Variants in PKHD1 observed in about 807,000 individuals in gnomAD.
The protein encoded by PKHD1 is fibrocystin.
In PKHD1, 291 loss-of-function variants were observed where a neutral mutation model predicts 412.0. The ratio of observed to expected loss-of-function variants is 0.71; its 90% confidence interval spans 0.64 to 0.78. The LOEUF (loss-of-function observed/expected upper bound fraction) is 0.78, where lower values mean the gene tolerates loss of function less well. Among genes scored for constraint, PKHD1 ranks in the 30% least tolerant of loss-of-function variants. The pLI, the probability that PKHD1 is intolerant of heterozygous loss-of-function variation, is 0.00. For synonymous variants in PKHD1, 1,777 were observed against 1,821.5 expected (o/e 0.98, Z 0.62); for missense variants, 4,825 against 4,950.7 (o/e 0.97, Z 0.76).
chr6:51,838,579 C>T (rs1764155488), intron 50 of PKHD1, among the ~76,000 whole-genome samples: 1 of 152,158 alleles, frequency 6.6e-6, no homozygotes, highest in Non-Finnish European at 1.5e-5. Flanking sequence ...AGAACAGATA[C>T]AGAAAAGTTA....
intron 37 of PKHD1, among the ~76,000 whole-genome samples, chr6:51,920,303 C>G (rs138471678): frequency 6.6e-6 from 1 of 152,204 alleles, no homozygotes; most frequent in Non-Finnish European, 1.5e-5. Flanking sequence ...TACATCCCGT[C>G]AATACCTAGT....
intron 55 of PKHD1, among the ~76,000 whole-genome samples, chr6:51,771,059 C>A (rs1046885801): frequency 6.6e-6 from 1 of 152,028 alleles, no homozygotes; most frequent in Non-Finnish European, 1.5e-5. Context: ...AACATACTGG[C>A]CTGCTTACAG....
intron 60 of PKHD1, among the ~76,000 whole-genome samples, chr6:51,733,627 TA>T (rs1426809283): frequency 6.6e-6 from 1 of 151,896 alleles, no homozygotes; most frequent in Non-Finnish European, 1.5e-5. Flanking sequence ...AGTGAAGAAC[TA>T]AAAAAATGTC....
At chr6:51,803,509 T>C (rs1235382542) in intron 52 of PKHD1, among the ~76,000 whole-genome samples, 1 of 150,396 alleles carries the variant, frequency 6.6e-6, no homozygotes, top group Non-Finnish European at 1.5e-5. Context: ...TTAGAGTTAA[T>C]TCCTCTTTTT....
At chr6:51,899,000 G>A (rs528074385) in intron 43 of PKHD1, among the ~76,000 whole-genome samples, 1 of 152,304 alleles carries the variant, frequency 6.6e-6, no homozygotes, top group South Asian at 2.1e-4. Flanking sequence ...CCAATAACAG[G>A]ATCTGAAATT....
At chr6:51,846,055 G>A (rs1014915147) in intron 50 of PKHD1, among the ~76,000 whole-genome samples, 2 of 152,208 alleles carry the variant, frequency 1.3e-5, no homozygotes, top group Admixed American at 1.3e-4. Context: ...TTCGGCTGAA[G>A]TGGTAAAACA....
At chr6:51,972,453 G>T (rs1468075318) in intron 35 of PKHD1, among the ~76,000 whole-genome samples, 1 of 152,222 alleles carries the variant, frequency 6.6e-6, no homozygotes, top group Non-Finnish European at 1.5e-5. Context: ...ATTATCAATT[G>T]TACCTGAAGA....
At chr6:51,676,180 C>A in intron 60 of PKHD1, among the ~76,000 whole-genome samples, 1 of 142,608 alleles carries the variant, frequency 7.0e-6, no homozygotes, top group Non-Finnish European at 1.5e-5. Flanking sequence ...TTTTCCACCT[C>A]ATTTCACGTT....
intron 14 of PKHD1, 55 bp downstream of exon 14, chr6:52,062,464 A>G: frequency 1.9e-6 from 3 of 1,572,196 alleles, no homozygotes; most frequent in Non-Finnish European, 2.6e-6. Context: ...TCCTAGCCTC[A>G]CCTAGGTTAG....
chr6:51,831,929 A>C (rs1037049127), intron 51 of PKHD1, among the ~76,000 whole-genome samples: 3 of 152,120 alleles, frequency 2.0e-5, no homozygotes, highest in Non-Finnish European at 4.4e-5. Flanking sequence ...CTTTCCTGGG[A>C]TGTGATTACT....
intron 47 of PKHD1, among the ~76,000 whole-genome samples, chr6:51,868,768 C>T (rs1458855173): frequency 6.6e-6 from 1 of 152,118 alleles, no homozygotes; most frequent in African/African-American, 2.4e-5. Flanking sequence ...CAATTAATCA[C>T]TTGGGCAAAT....
chr6:51,850,845 G>A (rs1225393925), intron 49 of PKHD1, among the ~76,000 whole-genome samples: 1 of 152,142 alleles, frequency 6.6e-6, no homozygotes, highest in South Asian at 2.1e-4. Context: ...TCTGCAAAGA[G>A]AGACAACTTG....
chr6:51,722,107 C>T, intron 60 of PKHD1: 1 of 1,606,328 alleles, frequency 6.2e-7, no homozygotes, highest in Admixed American at 1.7e-5. Flanking sequence ...GCATGCTTTC[C>T]ACATTGCATC....
chr6:51,982,846 TAA>T (rs66834079), intron 35 of PKHD1, among the ~76,000 whole-genome samples: 16 of 132,266 alleles, frequency 1.2e-4, no homozygotes, highest in Admixed American at 2.3e-4. Flanking sequence ...AATAAAAAAA[TAA>T]AAAAATAAAA....
intron 35 of PKHD1, among the ~76,000 whole-genome samples, chr6:51,999,357 T>C (rs1461909709): frequency 1.3e-5 from 2 of 152,130 alleles, no homozygotes; most frequent in Non-Finnish European, 2.9e-5. Flanking sequence ...ACAGGAGTTT[T>C]TGTTTTTGTT....
chr6:51,653,934 A>G (rs1200373133), intron 61 of PKHD1, among the ~76,000 whole-genome samples: 1 of 152,216 alleles, frequency 6.6e-6, no homozygotes, highest in East Asian at 1.9e-4. Context: ...TTTAAAGACC[A>G]TACGCAAAAT....
intron 49 of PKHD1, among the ~76,000 whole-genome samples, chr6:51,854,545 T>C (rs1327923799): frequency 1.3e-5 from 2 of 152,144 alleles, no homozygotes; most frequent in African/African-American, 4.8e-5. Context: ...AGTCTGCTGG[T>C]CCACGGAGAC....
At chr6:51,932,628 C>A (rs1038814886) in intron 37 of PKHD1, among the ~76,000 whole-genome samples, 1 of 152,202 alleles carries the variant, frequency 6.6e-6, no homozygotes, top group African/African-American at 2.4e-5. Context: ...TCCTGGGCTA[C>A]AAAATCAATG....
At chr6:51,952,671 C>G (rs1672354464) in intron 36 of PKHD1, among the ~76,000 whole-genome samples, 3 of 152,056 alleles carry the variant, frequency 2.0e-5, no homozygotes, top group Admixed American at 2.0e-4. Context: ...AGTTCCCCTC[C>G]CATGAAATAA....
Sources: gnomAD v4.1 joint callset for allele counts (sites outside exome capture counted in the v4.1 genomes callset) on GRCh38, gnomAD v4.1.1 for gene constraint, MANE v1.5 for transcripts, NCBI Gene and HGNC (gene_info 2026-07-23, HGNC 2026-07-21) for gene names.